CCDC122: variants seen among roughly 807,000 people sequenced by gnomAD.
CCDC122 encodes coiled-coil domain-containing protein 122.
A neutral mutation model predicts 37.0 loss-of-function variants in CCDC122; 38 were observed. The ratio of observed to expected loss-of-function variants is 1.03; its 90% CI spans 0.79 to 1.35. The LOEUF (loss-of-function observed/expected upper bound fraction) is 1.35, where lower values mean the gene tolerates loss of function less well. CCDC122 is among the 40% of genes most tolerant of loss of function. CCDC122 has a pLI of 0.00. For synonymous variants in CCDC122, 83 were observed against 95.6 expected, an observed-to-expected ratio of 0.87 and a Z score of 0.77; for missense variants, 305 against 310.0, an observed-to-expected ratio of 0.98 and a Z score of 0.12.
At chr13:43,869,055 T>C (rs942031882) in intron 3 of CCDC122, among the ~76,000 whole-genome samples, 4 of 152,056 alleles carry the variant, frequency 2.6e-5, no homozygotes, top group Admixed American at 2.6e-4. Flanking sequence ...ATTTTGATTG[T>C]CCTAATTTTT....
chr13:43,869,268 C>T, intron 3 of CCDC122, 63 bp downstream of exon 3: 2 of 1,217,358 alleles, frequency 1.6e-6, no homozygotes, highest in Non-Finnish European at 2.4e-6. Context: ...AATTATCCTG[C>T]CAGACTACTT....
chr13:43,838,367 T>G (rs1953230521), intron 6 of CCDC122, among the ~76,000 whole-genome samples: 1 of 152,146 alleles, frequency 6.6e-6, no homozygotes, highest in African/African-American at 2.4e-5. Context: ...ATTTCCCCGC[T>G]ATTAAATAAA....
intron 6 of CCDC122, chr13:43,855,871 G>A (rs1367578875): frequency 6.6e-6 from 1 of 152,038 alleles, no homozygotes; most frequent in Non-Finnish European, 1.5e-5. Context: ...ATACCCAAAG[G>A]AATATAAATC....
At chr13:43,854,495 A>G (rs1406586339) in intron 6 of CCDC122, 2 of 152,158 alleles carry the variant, frequency 1.3e-5, no homozygotes, top group Admixed American at 6.6e-5. Flanking sequence ...TAGCCTACCA[A>G]CTGAAAAAAG....
At chr13:43,831,477 G>A (rs1354140784), downstream of CCDC122, among the ~76,000 whole-genome samples, 1 of 152,164 alleles carries the variant, frequency 6.6e-6, no homozygotes, top group African/African-American at 2.4e-5. Flanking sequence ...TCCAATACAA[G>A]CATTGGGATT....
intron 6 of CCDC122, among the ~76,000 whole-genome samples, chr13:43,853,086 G>C (rs1953796997): frequency 2.0e-5 from 3 of 152,084 alleles, no homozygotes; most frequent in Admixed American, 2.0e-4. Flanking sequence ...AAACAAGTCT[G>C]CAAAATAACC....
chr13:43,827,721 G>A (rs531248607), intron 3 of CCDC122, among the ~76,000 whole-genome samples: 49 of 152,258 alleles, frequency 3.2e-4, no homozygotes, highest in Admixed American at 1.7e-3. Context: ...GGGCTTGAGC[G>A]TGCTCAGATT....
intron 6 of CCDC122, among the ~76,000 whole-genome samples, chr13:43,845,690 C>A (rs1436111389): frequency 3.3e-5 from 5 of 151,194 alleles, no homozygotes; most frequent in African/African-American, 1.2e-4. Context: ...CCAGTCTGGG[C>A]AAGAGCAAGA....
At chr13:43,839,844 C>T (rs1953284547) in intron 6 of CCDC122, among the ~76,000 whole-genome samples, 4 of 152,144 alleles carry the variant, frequency 2.6e-5, no homozygotes, top group Admixed American at 2.6e-4. Flanking sequence ...TTTAATTGAG[C>T]AATGAATGAT....
intron 6 of CCDC122, chr13:43,855,053 T>C (rs1953861101): frequency 6.6e-6 from 1 of 152,094 alleles, no homozygotes; most frequent in Admixed American, 6.6e-5. Context: ...GCATTCCTCT[T>C]GAAAACCAGC....
At chr13:43,861,286 A>G (rs1376542624) in intron 4 of CCDC122, among the ~76,000 whole-genome samples, 1 of 152,190 alleles carries the variant, frequency 6.6e-6, no homozygotes, top group East Asian at 1.9e-4. Context: ...GTCACAACTG[A>G]TAACACCCCA....
Position 43,858,833 on chromosome 13 carries a change from C to T in CCDC122, c.620G>A (p.Cys207Tyr). The T allele has an allele frequency of 7.0e-7, 1 of 1,422,002 alleles. No individual in the cohort carries two copies. The highest frequency in any genetic ancestry group is 9.5e-7 in the Non-Finnish European group (1 of 1,054,556). The allele number at this position is 1,422,002 out of a possible 1,614,324, so 88.1% of individuals were successfully genotyped here. A position where few individuals can be genotyped will look rare whatever the true frequency, so the allele number is the denominator to read the frequency against. Reference sequence around the variant, plus strand: ...TGTCTTTTTTTCTTCCTCAAGAAAACAAGTTTTTTCAATGATAGATTCTTT... The same window carrying T: ...TGTCTTTTTTTCTTCCTCAAGAAAATAAGTTTTTTCAATGATAGATTCTTT... ...TVKESIIEKT[C>Y]FLEEEKKTHE... The change falls in exon 6 of 7, where the codon TGT (cysteine) becomes TAT (tyrosine). Residue 207 changes from cysteine to tyrosine, a missense_variant. Physicochemically the swap from Cys to Tyr is radical, Grantham distance 194 (BLOSUM62 -2). Coordinates refer to ENST00000444614, the MANE Select transcript of CCDC122 (RefSeq NM_144974.5).
Position 43,837,153 on chromosome 13 carries a change from A to C in CCDC122, c.*127T>G. 2 of 883,880 alleles carry C rather than the reference A, an allele frequency of 2.3e-6. No homozygotes were observed. Among genetic ancestry groups the C allele is most frequent in the Non-Finnish European group, 3.4e-6 (2 of 586,412 alleles). 54.8% of individuals were successfully genotyped at this position (883,880 alleles called of 1,614,324 possible). A position where few individuals can be genotyped will look rare whatever the true frequency, so the allele number is the denominator to read the frequency against. The stretch of plus-strand genomic sequence containing the variant: ...GATTTAAAAAAAACAACAACCGAAG[A>C]CATCTGTCATTAAGACAGGTCTCTA... On this transcript the variant is annotated 3_prime_UTR_variant, in exon 7 of 7. Coordinates refer to ENST00000444614, the MANE Select transcript of CCDC122 (RefSeq NM_144974.5).
Position 43,837,048 on chromosome 13 carries a change from T to C in CCDC122, c.*232A>G, listed in dbSNP as rs1953187552. On this transcript the variant is annotated 3_prime_UTR_variant, in exon 7 of 7. Coordinates refer to ENST00000444614, the MANE Select transcript of CCDC122 (RefSeq NM_144974.5). ...CAAATAGTCACAGAGACTCTTGCAT[T>C]ATTTTCCCGTAGACATTCCTATTGT... 2.2e-6 allele frequency: 1 copy of C among 448,026 alleles called. No homozygotes were observed. The highest frequency in any genetic ancestry group is 2.0e-5 in the African/African-American group (1 of 50,444). 27.8% of individuals were successfully genotyped at this position (448,026 alleles called of 1,614,324 possible).
chr13:43,849,012 T>A (rs1474797058), intron 6 of CCDC122: 1 of 957,092 alleles, frequency 1.0e-6, no homozygotes, highest in African/African-American at 1.8e-5. Flanking sequence ...ATGGAATAAA[T>A]AAAATTATTC....
At chr13:43,863,309 T>A (rs950843194) in intron 4 of CCDC122, among the ~76,000 whole-genome samples, 2 of 152,202 alleles carry the variant, frequency 1.3e-5, no homozygotes, top group Admixed American at 6.5e-5. Context: ...TCAATAAGCA[T>A]AATTATTTCA....
chr13:43,860,815 A>G (rs1211869387), intron 4 of CCDC122, among the ~76,000 whole-genome samples: 5 of 151,876 alleles, frequency 3.3e-5, no homozygotes, highest in East Asian at 1.9e-4. Flanking sequence ...TTCACAGAAT[A>G]TAAGTGGCTG....
intron 4 of CCDC122, among the ~76,000 whole-genome samples, chr13:43,864,001 TTTGAG>T (rs753243304): frequency 6.6e-6 from 1 of 152,216 alleles, no homozygotes; most frequent in Non-Finnish European, 1.5e-5. Flanking sequence ...TTTGATTCAT[TTTGAG>T]TTAATTTTTG....
chr13:43,878,639 T>G (rs1411061771), intron 1 of CCDC122, among the ~76,000 whole-genome samples: 1 of 152,220 alleles, frequency 6.6e-6, no homozygotes, highest in Non-Finnish European at 1.5e-5. Context: ...GAAGGTCGGA[T>G]ATTTTTTCCC....
Sources: allele counts gnomAD v4.1 joint callset (sites outside exome capture counted in the v4.1 genomes callset), GRCh38; gene constraint gnomAD v4.1.1; transcripts MANE v1.5; gene names NCBI Gene and HGNC (gene_info 2026-07-23, HGNC 2026-07-21).